Variants in SLC26A9 observed in about 807,000 individuals in gnomAD.
The protein encoded by SLC26A9 is solute carrier family 26 member 9.
In SLC26A9, 46 loss-of-function variants were observed where a neutral mutation model predicts 87.1. The ratio of observed to expected loss-of-function variants is 0.53; its 90% CI spans 0.42 to 0.67. SLC26A9 has a LOEUF of 0.67. Among genes scored for constraint, SLC26A9 ranks in the 30% least tolerant of loss-of-function variants. SLC26A9 has a pLI of 0.00. For synonymous variants in SLC26A9, 437 were observed against 409.1 expected (o/e 1.07, Z -0.82); for missense variants, 927 against 1,018.3 (o/e 0.91, Z 1.22).
At chr1:205,931,773 A>G in intron 5 of SLC26A9, 87 bp downstream of exon 5, 1 of 1,502,146 alleles carries the variant, frequency 6.7e-7, no homozygotes, top group South Asian at 1.4e-5. Context: ...AGCCCCCTAA[A>G]TCAGATTTAG....
At chr1:205,923,703 A>C in intron 13 of SLC26A9, 90 bp from the exon 14 acceptor site, 1 of 1,434,798 alleles carries the variant, frequency 7.0e-7, no homozygotes, top group Non-Finnish European at 9.8e-7. Flanking sequence ...GGCAGAGCCA[A>C]GGTAGGATGG....
intron 20 of SLC26A9, among the ~76,000 whole-genome samples, chr1:205,915,756 C>T (rs145915439): frequency 4.6e-5 from 7 of 152,132 alleles, no homozygotes; most frequent in Admixed American, 2.0e-4. Context: ...TCCTTTCTCA[C>T]GTTGATAAGC....
At chr1:205,928,376 T>G (rs1659169653) in intron 8 of SLC26A9, 6 of 402,438 alleles carry the variant, frequency 1.5e-5, no homozygotes, top group Non-Finnish European at 2.7e-5. Context: ...TGGTGCTATG[T>G]GGTCTTCCCT....
chr1:205,932,074 G>A (rs1291803606), intron 4 of SLC26A9, 39 bp from the exon 5 acceptor site: 1 of 1,607,804 alleles, frequency 6.2e-7, no homozygotes. Context: ...TCAGAGGTTT[G>A]AACCACACCG....
In SLC26A9 at chr1:205,915,301, T is replaced by G. The variant is rs770184136; in HGVS notation, c.*56A>C. The G allele has an allele frequency of 1.3e-5, 21 of 1,612,754 alleles. No individual in the cohort carries two copies. Among genetic ancestry groups the G allele is most frequent in the Non-Finnish European group, 1.8e-5 (21 of 1,179,368 alleles). ...CCCCTGTGACCCCAGGCTCATCCTT[T>G]ATGGAAGTCCCAAGTGCCAGGCACT... On this transcript the variant is annotated 3_prime_UTR_variant, in exon 21 of 21. Transcript: ENST00000367135.
rs766574115 is a variant in SLC26A9 at position 205,921,865 on chromosome 1, G to A, written c.1774-18C>T. On this transcript the variant is annotated intron_variant, in intron 16 of 20. Transcript: ENST00000367135. ...GAGACAGTCTGGAAGGGTGGGGACA[G>A]TGGGCAGAGTCAGGGACCACCAGAC... The A allele has an allele frequency of 6.3e-7, 1 of 1,597,492 alleles. No individual in the cohort carries two copies.
Position 205,917,264 on chromosome 1 carries a change from G to T in SLC26A9, c.2328+19C>A. ...TCTTCGCCCTGCTCCCACCCTCACA[G>T]CCCCTTCCCTCAGCTCACCTGCTCT... On this transcript the variant is annotated intron_variant, in intron 20 of 20. Coordinates refer to ENST00000367135, the MANE Select transcript of SLC26A9 (RefSeq NM_052934.4). The T allele has an allele frequency of 6.2e-7, 1 of 1,613,640 alleles. No homozygotes were observed.
intron 15 of SLC26A9, 53 bp from the exon 16 acceptor site, chr1:205,923,248 C>T: frequency 6.2e-7 from 1 of 1,607,658 alleles, no homozygotes; most frequent in Non-Finnish European, 8.5e-7. Context: ...ATGGGAGTGG[C>T]CTATTCTCAG....
chr1:205,930,826 A>G (rs1193169031), intron 5 of SLC26A9, among the ~76,000 whole-genome samples: 1 of 152,132 alleles, frequency 6.6e-6, no homozygotes, highest in Non-Finnish European at 1.5e-5. Flanking sequence ...TCATCCTTTA[A>G]GAGAGGTGGA....
At chr1:205,940,922 T>A (rs1032004775) in intron 1 of SLC26A9, among the ~76,000 whole-genome samples, 2 of 152,244 alleles carry the variant, frequency 1.3e-5, no homozygotes, top group Admixed American at 1.3e-4. Context: ...GCCAGCCGGT[T>A]GCTGTGTTCT....
In SLC26A9 at chr1:205,923,177, T is replaced by C. The variant is rs779799967; in HGVS notation, c.1678A>G (p.Lys560Glu). ...VIAKTGMDPQ[K>E]VLLAKQKYLK... ...TATTTTTGCTTGGCTAGTAATACTT[T>C]CTGGGGGTCCATGCCTGTCTGCAGG... Residue 560 changes from lysine (K) to glutamate (E), a missense_variant, in exon 16 of 21, where the codon AAA becomes GAA. Physicochemically the swap from Lys to Glu is moderately conservative, Grantham distance 56. Coordinates refer to ENST00000367135, the MANE Select transcript of SLC26A9 (RefSeq NM_052934.4). The C allele has an allele frequency of 3.7e-6, 6 of 1,614,192 alleles. No individual in the cohort carries two copies. Among genetic ancestry groups the C allele is most frequent in the Non-Finnish European group, 5.1e-6 (6 of 1,180,040 alleles).
intron 1 of SLC26A9, among the ~76,000 whole-genome samples, chr1:205,940,075 G>C (rs1490436522): frequency 6.6e-6 from 1 of 152,182 alleles, no homozygotes; most frequent in Non-Finnish European, 1.5e-5. Context: ...ACTTAGAGGG[G>C]GTCTGTAGGG....
rs1204881250 is a variant in SLC26A9 at position 205,930,038 on chromosome 1, G to T, written c.571C>A (p.Gln191Lys). ...AGGTAGATGGCCACAAAGCCAAACT[G>T]CATGAAGCCCAGACCCATCTGAGAG... ...AIIQMGLGFMQFGFVAIYLSE... is the reference protein window; with the variant it reads ...AIIQMGLGFMKFGFVAIYLSE... Residue 191 changes from glutamine (Q) to lysine (K), a missense_variant, in exon 6 of 21, where the codon CAG (glutamine) becomes AAG (lysine). Transcript: ENST00000367135. 1 of 1,611,052 alleles carries T rather than the reference G, an allele frequency of 6.2e-7. No individual in the cohort carries two copies. Among genetic ancestry groups the T allele is most frequent in the Admixed American group, 1.7e-5 (1 of 59,942 alleles).
rs767749392 is a variant in SLC26A9 at position 205,932,046 on chromosome 1, C to T, written c.377-11G>A. 2 of 1,613,300 alleles carry T rather than the reference C, an allele frequency of 1.2e-6. No homozygotes were observed. The highest frequency in any genetic ancestry group is 4.5e-5 in the East Asian group (2 of 44,890). ...TAACGGCAAAGGTACCTGTGGTGCC[C>T]CACCCAGCCAGCAAAAATCAGAGGT... On this transcript the variant is annotated splice_polypyrimidine_tract_variant and intron_variant, in intron 4 of 20. Transcript: ENST00000367135.
At chr1:205,924,306 G>A (rs1658974722) in intron 13 of SLC26A9, 77 bp downstream of exon 13, 2 of 1,381,454 alleles carry the variant, frequency 1.4e-6, no homozygotes, top group Non-Finnish European at 2.1e-6. Context: ...ACTAAGCCAG[G>A]CCGTGGCATG....
chr1:205,923,329 C>G lies in SLC26A9; in HGVS notation c.1659+6G>C, dbSNP rs775411362. On this transcript the variant is annotated splice_donor_region_variant and intron_variant, in intron 15 of 20. Coordinates refer to ENST00000367135, the MANE Select transcript of SLC26A9 (RefSeq NM_052934.4). Reference sequence around the variant, plus strand: ...GAGCCTCTGGTCGCCAGGGACTGAGCCTTACCTTGGCGATGACCTTTTGCC... The same window carrying G: ...GAGCCTCTGGTCGCCAGGGACTGAGGCTTACCTTGGCGATGACCTTTTGCC... 4 of 1,614,014 alleles carry G rather than the reference C, an allele frequency of 2.5e-6. No homozygotes were observed. The highest frequency in any genetic ancestry group is 1.3e-5 in the African/African-American group (1 of 75,030).
At chr1:205,917,022 G>A (rs1324145161) in intron 20 of SLC26A9, among the ~76,000 whole-genome samples, 6 of 151,688 alleles carry the variant, frequency 4.0e-5, no homozygotes, top group Non-Finnish European at 7.4e-5. Flanking sequence ...GAACCCGGGA[G>A]GCAGAGGTTG....
At position 205,930,134 on chromosome 1, in the gene SLC26A9, G is replaced by T. The variant is rs914187635; in HGVS notation, c.553-78C>A. ...TTCCAACGACCCGCCCCACACACAC[G>T]CAGGTCTGGAGCTCCGTGCAGTCCT... On this transcript the variant is annotated intron_variant, in intron 5 of 20. Transcript: ENST00000367135. 6 of 1,471,138 alleles carry T rather than the reference G, an allele frequency of 4.1e-6. No individual in the cohort carries two copies. The African/African-American group carries it at 5.6e-5, about 14-fold the overall frequency. The allele number at this position is 1,471,138 out of a possible 1,614,324, so 91.1% of individuals were successfully genotyped here. A position where few individuals can be genotyped will look rare whatever the true frequency, so the allele number is the denominator to read the frequency against.
At chr1:205,934,741 T>G (rs1407849301) in intron 2 of SLC26A9, among the ~76,000 whole-genome samples, 3 of 152,212 alleles carry the variant, frequency 2.0e-5, no homozygotes, top group Non-Finnish European at 4.4e-5. Flanking sequence ...TCAGACTTTG[T>G]GCCCTAAAGT....
Sources: gnomAD v4.1 joint callset for allele counts (sites outside exome capture counted in the v4.1 genomes callset) on GRCh38, gnomAD v4.1.1 for gene constraint, MANE v1.5 for transcripts, NCBI Gene and HGNC (gene_info 2026-07-23, HGNC 2026-07-21) for gene names.